RBFOX1: variants seen among roughly 807,000 people sequenced by gnomAD.
RBFOX1 encodes RNA binding fox-1 homolog 1, also known as RNA binding protein fox-1 homolog 1.
RBFOX1 carries 8 observed loss-of-function variants against 57.7 expected under a neutral mutation model. The ratio of observed to expected loss-of-function variants is 0.14; its 90% CI spans 0.08 to 0.25. The LOEUF (loss-of-function observed/expected upper bound fraction) is 0.25, where lower values mean the gene tolerates loss of function less well. Ranked by LOEUF, RBFOX1 falls within the 10% of genes least tolerant of loss-of-function variation. The pLI, the probability that RBFOX1 is intolerant of heterozygous loss-of-function variation, is 1.00. For synonymous variants in RBFOX1, 326 were observed against 222.4 expected, an observed-to-expected ratio of 1.47 and a Z score of -4.15; for missense variants, 611 against 548.5, an observed-to-expected ratio of 1.11 and a Z score of -1.14.
At chr16:7,616,197 C>T (rs1019716442) in intron 10 of RBFOX1, among the ~76,000 whole-genome samples, 2 of 152,146 alleles carry the variant, frequency 1.3e-5, no homozygotes, top group Admixed American at 6.5e-5. Flanking sequence ...TTTATTATAA[C>T]AAAAGGATAC....
intron 3 of RBFOX1, among the ~76,000 whole-genome samples, chr16:6,918,254 C>G (rs960314662): frequency 3.5e-4 from 53 of 150,470 alleles, no homozygotes; most frequent in African/African-American, 1.3e-3. Flanking sequence ...TGCAATCCAG[C>G]CTGGGTGACA....
At chr16:7,172,636 C>T (rs1342717039) in intron 4 of RBFOX1, among the ~76,000 whole-genome samples, 3 of 152,068 alleles carry the variant, frequency 2.0e-5, no homozygotes, top group African/African-American at 4.8e-5. Context: ...TTACTGGGAA[C>T]ACACATCATG....
chr16:5,896,140 C>T (rs964275534), intron 4 of RBFOX1, among the ~76,000 whole-genome samples: 2 of 152,104 alleles, frequency 1.3e-5, no homozygotes, highest in African/African-American at 4.8e-5. Flanking sequence ...GAATCTGATC[C>T]TGGATGGATC....
At chr16:7,175,651 C>T (rs1229828156) in intron 4 of RBFOX1, among the ~76,000 whole-genome samples, 1 of 152,194 alleles carries the variant, frequency 6.6e-6, no homozygotes, top group Non-Finnish European at 1.5e-5. Context: ...CTGTGTGCCT[C>T]CAGTGTGCAG....
chr16:7,530,299 C>T (rs1349416197), intron 5 of RBFOX1, among the ~76,000 whole-genome samples: 1 of 152,160 alleles, frequency 6.6e-6, no homozygotes, highest in African/African-American at 2.4e-5. Flanking sequence ...TGTCCATCTC[C>T]TGGATTCTAC....
intron 2 of RBFOX1, among the ~76,000 whole-genome samples, chr16:5,555,517 C>A (rs545017727): frequency 3.9e-4 from 59 of 151,966 alleles, no homozygotes; most frequent in African/African-American, 1.3e-3. Context: ...TCCCAAAGTG[C>A]TGGGATTACA....
chr16:6,979,758 T>G (rs1156341535), intron 3 of RBFOX1, among the ~76,000 whole-genome samples: 1 of 152,206 alleles, frequency 6.6e-6, no homozygotes, highest in Non-Finnish European at 1.5e-5. Context: ...ATGAAGATTT[T>G]CTAAAAATGC....
intron 4 of RBFOX1, among the ~76,000 whole-genome samples, chr16:7,104,297 A>G (rs1208810432): frequency 2.0e-5 from 3 of 152,168 alleles, no homozygotes; most frequent in Non-Finnish European, 2.9e-5. Flanking sequence ...AATTGAGGAT[A>G]TAAGACAGTC....
At chr16:6,490,765 G>T (rs1367143929) in intron 2 of RBFOX1, among the ~76,000 whole-genome samples, 1 of 152,188 alleles carries the variant, frequency 6.6e-6, no homozygotes, top group Non-Finnish European at 1.5e-5. Context: ...TAGGAACTGG[G>T]CTGGAAGTGG....
chr16:6,232,742 A>G (rs1038136192), intron 1 of RBFOX1, among the ~76,000 whole-genome samples: 5 of 152,088 alleles, frequency 3.3e-5, no homozygotes, highest in Admixed American at 2.0e-4. Flanking sequence ...TGCTTTTCCA[A>G]AACAGTTCAT....
At chr16:6,702,540 C>T (rs1028611579) in intron 3 of RBFOX1, among the ~76,000 whole-genome samples, 1 of 134,576 alleles carries the variant, frequency 7.4e-6, no homozygotes, top group Non-Finnish European at 1.6e-5. Flanking sequence ...GGTGACAGAG[C>T]GAGAGTCCAT....
At chr16:5,608,361 G>C (rs905285970) in intron 3 of RBFOX1, among the ~76,000 whole-genome samples, 2 of 152,164 alleles carry the variant, frequency 1.3e-5, no homozygotes, top group African/African-American at 4.8e-5. Flanking sequence ...ATTCTGGGAA[G>C]CTCTGGAGGT....
intron 4 of RBFOX1, among the ~76,000 whole-genome samples, chr16:7,240,345 A>G (rs1300717023): frequency 6.6e-6 from 1 of 152,184 alleles, no homozygotes; most frequent in Non-Finnish European, 1.5e-5. Flanking sequence ...AGTACTTTAC[A>G]TATATTAATG....
chr16:6,400,378 G>T (rs569045850), intron 2 of RBFOX1, among the ~76,000 whole-genome samples: 363 of 152,260 alleles, frequency 2.4e-3, no homozygotes, highest in African/African-American at 8.3e-3. Flanking sequence ...TATCACAAGA[G>T]AAATTAGAAA....
At chr16:5,527,935 C>T (rs893470195) in intron 2 of RBFOX1, among the ~76,000 whole-genome samples, 1 of 152,086 alleles carries the variant, frequency 6.6e-6, no homozygotes, top group South Asian at 2.1e-4. Flanking sequence ...TGACTTCTAC[C>T]TTTATGAGAA....
At chr16:7,444,116 A>G (rs2159534) in intron 4 of RBFOX1, among the ~76,000 whole-genome samples, 63,416 of 152,128 alleles carry the variant, frequency 0.42, 13,681 homozygotes, top group East Asian at 0.58. Context: ...ACGTTATTAT[A>G]CTAAACCAAC....
intron 2 of RBFOX1, among the ~76,000 whole-genome samples, chr16:5,556,403 C>G (rs2045677809): frequency 6.6e-6 from 1 of 152,220 alleles, no homozygotes; most frequent in African/African-American, 2.4e-5. Context: ...CTAGTTTGTT[C>G]TATGGCTTGA....
chr16:6,921,341 T>C (rs2074398415), intron 3 of RBFOX1, among the ~76,000 whole-genome samples: 1 of 152,082 alleles, frequency 6.6e-6, no homozygotes, highest in Admixed American at 6.6e-5. Flanking sequence ...ACCTGTCAGG[T>C]GGGTTGTGTT....
intron 3 of RBFOX1, among the ~76,000 whole-genome samples, chr16:6,955,125 C>T (rs1406911196): frequency 1.3e-5 from 2 of 151,530 alleles, no homozygotes; most frequent in East Asian, 1.9e-4. Flanking sequence ...CCTGTAGTCC[C>T]AGCTACTTGG....
Sources: allele counts gnomAD v4.1 joint callset (sites outside exome capture counted in the v4.1 genomes callset), GRCh38; gene constraint gnomAD v4.1.1; transcripts MANE v1.5; gene names NCBI Gene and HGNC (gene_info 2026-07-23, HGNC 2026-07-21).